The following PRKG1 variants were observed in gnomAD, a reference collection of about 807,000 sequenced individuals.
PRKG1 encodes the protein cGMP-dependent protein kinase 1.
A neutral mutation model predicts 88.1 loss-of-function variants in PRKG1; 35 were observed. The observed-to-expected ratio is 0.40, with a 90% confidence interval of 0.30 to 0.53. PRKG1 has a LOEUF of 0.53. Ranked by LOEUF, PRKG1 falls within the 20% of genes least tolerant of loss-of-function variation. The pLI is 0.59. For synonymous variants in PRKG1, 303 were observed against 292.5 expected (o/e 1.04, Z -0.37); for missense variants, 540 against 839.8 (o/e 0.64, Z 4.41).
At chr10:51,531,409 T>C (rs1329559417) in intron 3 of PRKG1, among the ~76,000 whole-genome samples, 1 of 152,168 alleles carries the variant, frequency 6.6e-6, no homozygotes, top group Non-Finnish European at 1.5e-5. Flanking sequence ...GCTCCGGTTG[T>C]AGAATTTCTG....
chr10:52,190,328 T>A (rs1041391624), intron 9 of PRKG1, among the ~76,000 whole-genome samples: 1 of 152,130 alleles, frequency 6.6e-6, no homozygotes, highest in African/African-American at 2.4e-5. Context: ...ATGTATTCTG[T>A]TAAAACAGAA....
intron 1 of PRKG1, among the ~76,000 whole-genome samples, chr10:51,126,810 A>G (rs534667412): frequency 1.3e-5 from 2 of 152,222 alleles, no homozygotes; most frequent in South Asian, 4.1e-4. Context: ...ATAACACTAC[A>G]CGTCTACAAC....
Position 51,667,994 on chromosome 10 carries a change from G to C in PRKG1, c.593-136591G>C, listed in dbSNP as rs1014646947. On this transcript the variant is annotated intron_variant, in intron 3 of 17. Transcript: ENST00000373980. ...TTTTTTTTTCCTGCCTAAAGCCATT[G>C]AATGCCTCTTAAATCACTGACATAA... Among the ~76,000 whole-genome samples the C allele has an allele frequency of 1.2e-4, 18 of 151,914 alleles. 1 individual carries two copies. The highest frequency in any genetic ancestry group is 2.9e-5 in the Non-Finnish European group (2 of 67,990).
intron 2 of PRKG1, among the ~76,000 whole-genome samples, chr10:51,440,921 G>A (rs938047436): frequency 1.3e-5 from 2 of 151,916 alleles, no homozygotes; most frequent in Admixed American, 1.3e-4. Context: ...CCAATAAGAG[G>A]ATATGTTGAA....
intron 3 of PRKG1, among the ~76,000 whole-genome samples, chr10:51,675,621 T>A (rs1840691187): frequency 6.6e-6 from 1 of 152,220 alleles, no homozygotes; most frequent in Non-Finnish European, 1.5e-5. Flanking sequence ...GTTACTTATC[T>A]ACCCAAAGTG....
intron 9 of PRKG1, among the ~76,000 whole-genome samples, chr10:52,208,710 G>A (rs944829771): frequency 6.6e-6 from 1 of 152,168 alleles, no homozygotes; most frequent in Non-Finnish European, 1.5e-5. Context: ...AAGTGAAATG[G>A]CAAATTATTT....
chr10:51,363,552 C>T (rs939648615), intron 2 of PRKG1, among the ~76,000 whole-genome samples: 20 of 151,906 alleles, frequency 1.3e-4, no homozygotes, highest in Admixed American at 4.6e-4. Context: ...ACCAGGAAGC[C>T]TCCCAGGGGA....
rs1347754296 is a variant in PRKG1 at position 52,068,678 on chromosome 10, ATCT to A, written c.935+6050_935+6052del. Reference sequence around the variant, plus strand: ...CACCATCATCTTTATCTACATCATCATCTTCATCATCATCATCATATCATCATA... The same window carrying A: ...CACCATCATCTTTATCTACATCATCATCATCATCATCATCATATCATCATA... On this transcript the variant is annotated intron_variant, in intron 7 of 17. Transcript: ENST00000373980. Among the ~76,000 whole-genome samples the A allele has an allele frequency of 2.8e-5, 4 of 142,048 alleles. No individual in the cohort carries two copies. The East Asian group carries it at 6.1e-4, about 21-fold the overall frequency. The allele number at this position is 142,048 out of a possible 152,430, so 93.2% of individuals were successfully genotyped here. A position where few individuals can be genotyped will look rare whatever the true frequency, so the allele number is the denominator to read the frequency against.
At position 51,226,409 on chromosome 10, in the gene PRKG1, G is replaced by A. The variant is rs1362629903; in HGVS notation, c.478+73079G>A. ...ATTACTGGAAAGTCATGGATGTTGT[G>A]TATCTGGTTTTTAGCAAGATGTGCA... On this transcript the variant is annotated intron_variant, in intron 2 of 17. Coordinates refer to ENST00000373980, the MANE Select transcript of PRKG1 (RefSeq NM_006258.4). Among the ~76,000 whole-genome samples the A allele has an allele frequency of 2.6e-5, 4 of 152,270 alleles. No individual in the cohort carries two copies. In the East Asian group the frequency reaches 7.7e-4, roughly 29 times the overall value.
intron 3 of PRKG1, among the ~76,000 whole-genome samples, chr10:51,563,373 A>G (rs1166405465): frequency 1.3e-5 from 2 of 152,162 alleles, no homozygotes; most frequent in Admixed American, 6.6e-5. Context: ...TCCGATCACT[A>G]TGCATTCTGT....
chr10:51,922,055 G>A (rs1842473793), intron 5 of PRKG1, among the ~76,000 whole-genome samples: 2 of 151,770 alleles, frequency 1.3e-5, no homozygotes. Context: ...CTTCTGTTTG[G>A]TAGGTTATTA....
intron 2 of PRKG1, among the ~76,000 whole-genome samples, chr10:51,365,478 T>G (rs904928599): frequency 1.1e-4 from 17 of 151,946 alleles, no homozygotes; most frequent in African/African-American, 3.9e-4. Flanking sequence ...CAACTCTGGG[T>G]GCTTGATACA....
At chr10:51,481,254 T>TTCTC (rs1452957062) in intron 3 of PRKG1, among the ~76,000 whole-genome samples, 33 of 144,238 alleles carry the variant, frequency 2.3e-4, no homozygotes, top group Middle Eastern at 6.9e-3. Context: ...CTCTGTCTCT[T>TTCTC]TCTGTCTTTC....
At chr10:52,143,617 C>G (rs1457185386) in intron 8 of PRKG1, among the ~76,000 whole-genome samples, 1 of 152,100 alleles carries the variant, frequency 6.6e-6, no homozygotes, top group African/African-American at 2.4e-5. Context: ...TTTAAAACCA[C>G]CTGAGGGGAA....
chr10:51,409,077 C>T (rs1838003575), intron 2 of PRKG1, among the ~76,000 whole-genome samples: 1 of 152,176 alleles, frequency 6.6e-6, no homozygotes. Context: ...GCAAAGTGCA[C>T]AACCAGGTGC....
At chr10:51,281,448 C>T (rs534511889) in intron 2 of PRKG1, among the ~76,000 whole-genome samples, 1 of 152,266 alleles carries the variant, frequency 6.6e-6, no homozygotes, top group East Asian at 1.9e-4. Context: ...GTCCCATGCC[C>T]ACAGAGCCTC....
intron 4 of PRKG1, among the ~76,000 whole-genome samples, chr10:51,866,702 T>G (rs1437615594): frequency 6.6e-6 from 1 of 152,182 alleles, no homozygotes; most frequent in Non-Finnish European, 1.5e-5. Flanking sequence ...ATGTTTTTCT[T>G]CTTAGACATA....
intron 3 of PRKG1, among the ~76,000 whole-genome samples, chr10:51,737,730 TTTATTTATTAATTATTA>T (rs1418780241): frequency 1.6e-4 from 18 of 112,354 alleles, no homozygotes; most frequent in African/African-American, 6.8e-4. Flanking sequence ...TATTTATTTA[TTTATTTATTAATTATTA>T]TTATTATTAT....
chr10:52,269,765 A>G (rs915817238), intron 10 of PRKG1, among the ~76,000 whole-genome samples: 1 of 152,084 alleles, frequency 6.6e-6, no homozygotes, highest in Non-Finnish European at 1.5e-5. Flanking sequence ...ATGTCCTTAC[A>G]TTGCTTTTAA....
Sources: allele counts gnomAD v4.1 joint callset (sites outside exome capture counted in the v4.1 genomes callset), GRCh38; gene constraint gnomAD v4.1.1; transcripts MANE v1.5; gene names NCBI Gene and HGNC (gene_info 2026-07-23, HGNC 2026-07-21).